VEPH1: variants seen among roughly 807,000 people sequenced by gnomAD.
The protein encoded by VEPH1 is ventricular zone expressed PH domain containing 1.
In VEPH1, 80 loss-of-function variants were observed where a neutral mutation model predicts 85.2. The ratio of observed to expected loss-of-function variants is 0.94; its 90% CI spans 0.78 to 1.13. VEPH1 has a LOEUF of 1.13. VEPH1 is among the 50% of genes most tolerant of loss of function. The pLI, the probability that VEPH1 is intolerant of heterozygous loss-of-function variation, is 0.00. For missense variants in VEPH1, 955 were observed against 980.5 expected, an observed-to-expected ratio of 0.97 and a Z score of 0.35; for synonymous variants, 297 against 348.0, an observed-to-expected ratio of 0.85 and a Z score of 1.63.
At chr3:157,499,247 A>G (rs1038637472) in intron 1 of VEPH1, 10 of 123,682 alleles carry the variant, frequency 8.1e-5, no homozygotes, top group Non-Finnish European at 1.1e-4. Flanking sequence ...CCTTCTCATT[A>G]TTTAGTTTTT....
intron 9 of VEPH1, among the ~76,000 whole-genome samples, chr3:157,343,133 C>A (rs1426697615): frequency 6.6e-6 from 1 of 152,044 alleles, no homozygotes. Context: ...GAAGCAAGAG[C>A]AAATACATTC....
intron 7 of VEPH1, among the ~76,000 whole-genome samples, chr3:157,365,870 T>C (rs1010270845): frequency 1.3e-5 from 2 of 152,110 alleles, no homozygotes; most frequent in Non-Finnish European, 2.9e-5. Flanking sequence ...ATTTTAGGGG[T>C]TATTATGACG....
intron 5 of VEPH1, among the ~76,000 whole-genome samples, chr3:157,423,965 A>G (rs1296904904): frequency 6.6e-6 from 1 of 152,154 alleles, no homozygotes; most frequent in African/African-American, 2.4e-5. Context: ...GGACAACCAT[A>G]ATTGAATAAC....
intron 7 of VEPH1, among the ~76,000 whole-genome samples, chr3:157,372,913 A>G (rs550591555): frequency 6.6e-5 from 10 of 152,358 alleles, no homozygotes; most frequent in Non-Finnish European, 4.4e-5. Context: ...GCTTCATCAC[A>G]GTCTGATAAG....
intron 7 of VEPH1, among the ~76,000 whole-genome samples, chr3:157,377,007 G>C (rs753794824): frequency 6.6e-5 from 10 of 152,110 alleles, no homozygotes; most frequent in Non-Finnish European, 1.3e-4. Flanking sequence ...AAGTTAAATG[G>C]TCACAATGAA....
chr3:157,470,990 A>G (rs1333533707), intron 2 of VEPH1, among the ~76,000 whole-genome samples: 1 of 152,084 alleles, frequency 6.6e-6, no homozygotes, highest in East Asian at 1.9e-4. Context: ...TTTCAACTCA[A>G]ATAACTACAA....
At chr3:157,431,908 C>T (rs982139974) in intron 4 of VEPH1, among the ~76,000 whole-genome samples, 8 of 151,688 alleles carry the variant, frequency 5.3e-5, no homozygotes, top group East Asian at 1.9e-4. Context: ...AGTGCAGTGG[C>T]GTGATCTTGG....
intron 4 of VEPH1, among the ~76,000 whole-genome samples, chr3:157,433,994 T>C (rs1037647473): frequency 2.6e-5 from 4 of 152,244 alleles, no homozygotes; most frequent in Non-Finnish European, 5.9e-5. Context: ...CCCTCCATGA[T>C]TATGGATTTG....
At chr3:157,370,400 T>C (rs1246096478) in intron 7 of VEPH1, among the ~76,000 whole-genome samples, 2 of 152,214 alleles carry the variant, frequency 1.3e-5, no homozygotes, top group Non-Finnish European at 2.9e-5. Context: ...CCTGCAGAGT[T>C]AAGCTTGTTA....
At chr3:157,303,089 A>T (rs2108466907) in intron 11 of VEPH1, among the ~76,000 whole-genome samples, 1 of 152,308 alleles carries the variant, frequency 6.6e-6, no homozygotes, top group East Asian at 1.9e-4. Flanking sequence ...TTTTGATGAG[A>T]TGTGTGACTT....
At chr3:157,471,145 T>C (rs1378802) in intron 2 of VEPH1, among the ~76,000 whole-genome samples, 3 of 151,994 alleles carry the variant, frequency 2.0e-5, no homozygotes, top group Admixed American at 1.3e-4. Flanking sequence ...TTAATTTGGA[T>C]AATTGGTCTG....
At chr3:157,439,302 G>T (rs1733925754) in intron 4 of VEPH1, among the ~76,000 whole-genome samples, 1 of 152,194 alleles carries the variant, frequency 6.6e-6, no homozygotes, top group Non-Finnish European at 1.5e-5. Context: ...GAAGAGGGAT[G>T]CATTTCTGAA....
chr3:157,447,738 G>T (rs1191587034), intron 4 of VEPH1, among the ~76,000 whole-genome samples: 1 of 151,942 alleles, frequency 6.6e-6, no homozygotes, highest in African/African-American at 2.4e-5. Flanking sequence ...GGGACTACAG[G>T]TGTGTGCCAC....
chr3:157,282,944 T>G (rs1716328574), intron 12 of VEPH1, among the ~76,000 whole-genome samples: 1 of 152,260 alleles, frequency 6.6e-6, no homozygotes, highest in Non-Finnish European at 1.5e-5. Context: ...TCTAATCTTC[T>G]ACTCTGAACT....
At chr3:157,412,170 G>A (rs946112477) in intron 6 of VEPH1, among the ~76,000 whole-genome samples, 4 of 152,104 alleles carry the variant, frequency 2.6e-5, no homozygotes, top group Non-Finnish European at 1.5e-5. Context: ...CATGCTTCCT[G>A]TTGCAGCCTT....
chr3:157,352,570 G>A (rs1306877761), intron 9 of VEPH1, among the ~76,000 whole-genome samples: 3 of 152,134 alleles, frequency 2.0e-5, no homozygotes, highest in Non-Finnish European at 4.4e-5. Flanking sequence ...TCTCCCAACT[G>A]TAGTAAACTG....
chr3:157,493,944 T>A (rs1314151630), intron 2 of VEPH1, among the ~76,000 whole-genome samples: 1 of 151,820 alleles, frequency 6.6e-6, no homozygotes, highest in African/African-American at 2.4e-5. Context: ...TGCAGAGGAG[T>A]GTGAAAGAAG....
intron 4 of VEPH1, chr3:157,437,799 G>T (rs1733746137): frequency 1.4e-6 from 2 of 1,461,974 alleles, no homozygotes; most frequent in Non-Finnish European, 1.8e-6. Flanking sequence ...GCGCGGAGGC[G>T]CAGCGCCCAG....
chr3:157,459,951 T>G, intron 4 of VEPH1: 6 of 1,537,244 alleles, frequency 3.9e-6, no homozygotes, highest in Non-Finnish European at 5.2e-6. Context: ...TTTGGAAGAA[T>G]GCTTACAATT....
Sources: allele counts gnomAD v4.1 joint callset (sites outside exome capture counted in the v4.1 genomes callset), GRCh38; gene constraint gnomAD v4.1.1; transcripts MANE v1.5; gene names NCBI Gene and HGNC (gene_info 2026-07-23, HGNC 2026-07-21).